GUCY1A2: variants seen among roughly 807,000 people sequenced by gnomAD.
GUCY1A2 encodes guanylate cyclase soluble subunit alpha-2.
GUCY1A2 carries 27 observed loss-of-function variants against 63.5 expected under a neutral mutation model. The ratio of observed to expected loss-of-function variants is 0.43; its 90% CI spans 0.31 to 0.59. The LOEUF is 0.59. Ranked by LOEUF, GUCY1A2 falls within the 20% of genes least tolerant of loss-of-function variation. The pLI, the probability that GUCY1A2 is intolerant of heterozygous loss-of-function variation, is 0.11. For synonymous variants in GUCY1A2, 364 were observed against 343.5 expected, an observed-to-expected ratio of 1.06 and a Z score of -0.66; for missense variants, 768 against 913.3, an observed-to-expected ratio of 0.84 and a Z score of 2.05.
intron 5 of GUCY1A2, among the ~76,000 whole-genome samples, chr11:106,804,199 T>C (rs921373435): frequency 2.0e-5 from 3 of 152,240 alleles, no homozygotes; most frequent in Non-Finnish European, 2.9e-5. Context: ...GAAATTCTTA[T>C]TTCCTAATTA....
At chr11:106,737,587 C>T (rs1863613458) in intron 6 of GUCY1A2, among the ~76,000 whole-genome samples, 1 of 152,088 alleles carries the variant, frequency 6.6e-6, no homozygotes, top group Non-Finnish European at 1.5e-5. Flanking sequence ...GTGTGATGTC[C>T]CCTCCCTGTG....
chr11:106,821,842 T>G (rs1296495390), intron 4 of GUCY1A2, among the ~76,000 whole-genome samples: 2 of 152,208 alleles, frequency 1.3e-5, no homozygotes, highest in African/African-American at 4.8e-5. Flanking sequence ...TTTTATGTTA[T>G]CATTAAATTA....
chr11:106,941,671 C>A (rs1402913045), intron 3 of GUCY1A2, among the ~76,000 whole-genome samples: 1 of 152,168 alleles, frequency 6.6e-6, no homozygotes, highest in African/African-American at 2.4e-5. Flanking sequence ...CCTGAGTGTT[C>A]CTCCCAGCCA....
intron 1 of GUCY1A2, among the ~76,000 whole-genome samples, chr11:106,989,190 A>G (rs983047868): frequency 5.3e-5 from 8 of 152,292 alleles, no homozygotes; most frequent in African/African-American, 1.4e-4. Flanking sequence ...CAGTCCTCTT[A>G]TGTGCATCTG....
At chr11:106,922,174 GTC>G (rs914895942) in intron 4 of GUCY1A2, among the ~76,000 whole-genome samples, 1 of 152,146 alleles carries the variant, frequency 6.6e-6, no homozygotes, top group African/African-American at 2.4e-5. Context: ...GACAACATTT[GTC>G]TCTCTGTTTC....
At chr11:106,897,838 TA>T (rs1201916116) in intron 4 of GUCY1A2, among the ~76,000 whole-genome samples, 1 of 151,896 alleles carries the variant, frequency 6.6e-6, no homozygotes, top group African/African-American at 2.4e-5. Context: ...ATGATGTATT[TA>T]AAAAAATTGA....
At chr11:106,921,997 C>T (rs1437768656) in intron 4 of GUCY1A2, among the ~76,000 whole-genome samples, 2 of 152,132 alleles carry the variant, frequency 1.3e-5, no homozygotes, top group Non-Finnish European at 2.9e-5. Flanking sequence ...ATAAAGTGCA[C>T]ATCAGCTCAA....
At chr11:106,974,483 TA>T (rs1861236913) in intron 3 of GUCY1A2, among the ~76,000 whole-genome samples, 1 of 152,032 alleles carries the variant, frequency 6.6e-6, no homozygotes, top group Non-Finnish European at 1.5e-5. Flanking sequence ...CAAAAAAGTA[TA>T]TACAAGTTGA....
At chr11:106,904,214 C>T (rs112003487) in intron 4 of GUCY1A2, among the ~76,000 whole-genome samples, 72 of 152,222 alleles carry the variant, frequency 4.7e-4, no homozygotes, top group African/African-American at 1.6e-3. Context: ...AAAGCTGCGG[C>T]TAATTATCCA....
At chr11:107,003,988 A>G (rs1488220858) in intron 1 of GUCY1A2, among the ~76,000 whole-genome samples, 1 of 152,232 alleles carries the variant, frequency 6.6e-6, no homozygotes, top group Non-Finnish European at 1.5e-5. Context: ...TGCCTAAATT[A>G]GAGCAAGAAG....
chr11:106,679,507 C>T lies in GUCY1A2; in HGVS notation c.*8042G>A, dbSNP rs1304217098. On this transcript the variant is annotated 3_prime_UTR_variant, in exon 8 of 8. Transcript: ENST00000526355. ...ATTTCAGGACACAAAATAAATATTT[C>T]CTATTATTTGTGATTAAATTTTTCA... is the stretch of plus-strand genomic sequence containing the variant. 1.0e-5 allele frequency: 2 copies of T among 198,734 alleles called. No individual in the cohort carries two copies. Among genetic ancestry groups the T allele is most frequent in the Non-Finnish European group, 2.1e-5 (2 of 96,274 alleles). The allele number at this position is 198,734 out of a possible 1,614,324, so 12.3% of individuals were successfully genotyped here. A position where few individuals can be genotyped will look rare whatever the true frequency, so the allele number is the denominator to read the frequency against.
chr11:106,908,995 T>A (rs1944205), intron 4 of GUCY1A2, among the ~76,000 whole-genome samples: 1 of 151,854 alleles, frequency 6.6e-6, no homozygotes, highest in Non-Finnish European at 1.5e-5. Context: ...AATTTGGGCA[T>A]GGAAACAAGA....
intron 2 of GUCY1A2, among the ~76,000 whole-genome samples, chr11:106,982,943 T>C (rs559007659): frequency 3.3e-5 from 5 of 152,314 alleles, no homozygotes; most frequent in Admixed American, 1.3e-4. Flanking sequence ...GCATCAGCAT[T>C]ACTTGGGAAC....
At position 106,683,015 on chromosome 11, in the gene GUCY1A2, A is replaced by C; in HGVS notation, c.*4534T>G. On this transcript the variant is annotated 3_prime_UTR_variant, in exon 8 of 8. Transcript: ENST00000526355. ...TGAAATTGAGTCCATAGCTGAGGTCAACTTACCCATTTAACAATAAATTTT... is the reference window on the plus strand; with the variant it reads ...TGAAATTGAGTCCATAGCTGAGGTCCACTTACCCATTTAACAATAAATTTT... 1 of 217,152 alleles carries C rather than the reference A, an allele frequency of 4.6e-6. No individual in the cohort carries two copies. Among genetic ancestry groups the C allele is most frequent in the Non-Finnish European group, 9.3e-6 (1 of 107,800 alleles). The allele number at this position is 217,152 out of a possible 1,614,324, so 13.5% of individuals were successfully genotyped here.
chr11:106,798,241 A>G (rs1864804170), intron 5 of GUCY1A2, among the ~76,000 whole-genome samples: 2 of 152,170 alleles, frequency 1.3e-5, no homozygotes, highest in South Asian at 4.1e-4. Flanking sequence ...GAATAGACCC[A>G]TAACAGGGTC....
chr11:106,896,287 G>C (rs1860048488), intron 4 of GUCY1A2, among the ~76,000 whole-genome samples: 1 of 151,994 alleles, frequency 6.6e-6, no homozygotes, highest in Non-Finnish European at 1.5e-5. Flanking sequence ...AAATCTCTCA[G>C]TAAACTAGTA....
chr11:106,830,626 C>A (rs940341998), intron 4 of GUCY1A2, among the ~76,000 whole-genome samples: 3 of 152,222 alleles, frequency 2.0e-5, no homozygotes, highest in African/African-American at 4.8e-5. Flanking sequence ...TGCTCTCGAA[C>A]AACAGACTCC....
Position 106,750,152 on chromosome 11 carries a change from C to T in GUCY1A2, c.1836+26287G>A, listed in dbSNP as rs554213619. 1.9e-4 allele frequency among the ~76,000 whole-genome samples: 29 copies of T among 152,078 alleles called. 1 individual carries two copies. Among genetic ancestry groups the T allele is most frequent in the Non-Finnish European group, 4.3e-4 (29 of 68,002 alleles). On this transcript the variant is annotated intron_variant, in intron 6 of 7. Transcript: ENST00000526355. Reference sequence around the variant, plus strand: ...CTGGGGAAGCCACTGGTGCAAGTCACAGATTCCAAAAGCCAATGAACATGG... The same window carrying T: ...CTGGGGAAGCCACTGGTGCAAGTCATAGATTCCAAAAGCCAATGAACATGG...
rs1858748015 is a variant in GUCY1A2 at position 106,810,429 on chromosome 11, A to G, written c.1256T>C (p.Ile419Thr). ...QMIHVPESNS[I>T]LFLGSPCVDK... Reference sequence around the variant, plus strand: ...CACACATGGAGAGCCCAAAAATAAAATGGAATTTGATTCTGGAACATGGAT... The same window carrying G: ...CACACATGGAGAGCCCAAAAATAAAGTGGAATTTGATTCTGGAACATGGAT... Residue 419 changes from isoleucine to threonine, a missense_variant, in exon 5 of 8, where the codon ATT becomes ACT. By Grantham distance (89) the Ile-to-Thr change is moderately conservative. Coordinates refer to ENST00000526355, the MANE Select transcript of GUCY1A2 (RefSeq NM_000855.3). 6.2e-7 allele frequency: 1 copy of G among 1,610,602 alleles called. No individual in the cohort carries two copies. Among genetic ancestry groups the G allele is most frequent in the Admixed American group, 1.7e-5 (1 of 59,172 alleles).
Sources: allele counts gnomAD v4.1 joint callset (sites outside exome capture counted in the v4.1 genomes callset), GRCh38; gene constraint gnomAD v4.1.1; transcripts MANE v1.5; gene names NCBI Gene and HGNC (gene_info 2026-07-23, HGNC 2026-07-21).